PTBP3: variants seen among roughly 807,000 people sequenced by gnomAD.
PTBP3 encodes the protein polypyrimidine tract binding protein 3, also known as polypyrimidine tract-binding protein 3.
In PTBP3, 20 loss-of-function variants were observed where a neutral mutation model predicts 58.7. That is an observed-to-expected ratio of 0.34 (90% CI 0.24 to 0.50). The LOEUF (loss-of-function observed/expected upper bound fraction) is 0.50. Ranked by LOEUF, PTBP3 falls within the 20% of genes least tolerant of loss-of-function variation. The pLI, the probability that PTBP3 is intolerant of heterozygous loss-of-function variation, is 0.98. For synonymous variants in PTBP3, 185 were observed against 219.8 expected, an observed-to-expected ratio of 0.84 and a Z score of 1.40; for missense variants, 509 against 637.2, an observed-to-expected ratio of 0.80 and a Z score of 2.17.
the PTBP3 span, among the ~76,000 whole-genome samples, chr9:112,345,055 C>A: frequency 3.2e-4 from 49 of 152,152 alleles, no homozygotes; most frequent in African/African-American, 1.1e-3. Flanking sequence ...ATTGCTTAAA[C>A]TGGGAAGGCG....
rs1173620644 is a variant in PTBP3 at position 112,243,113 on chromosome 9, A to G, written c.802+7816T>C. Among the ~76,000 whole-genome samples, 3 of 145,650 alleles carry G rather than the reference A, an allele frequency of 2.1e-5. No homozygotes were observed. The Admixed American group carries it at 2.1e-4, about 10-fold the overall frequency. On this transcript the variant is annotated intron_variant, in intron 7 of 13. Coordinates refer to ENST00000374257, the MANE Select transcript of PTBP3 (RefSeq NM_001163788.4). ...AAACTGGCTTGATTACTGCAGCTCT[A>G]TATTAAGTCTTACAGCTTAAAAAAA...
At chr9:112,233,758 C>T (rs1014569813) in intron 8 of PTBP3, among the ~76,000 whole-genome samples, 1 of 152,062 alleles carries the variant, frequency 6.6e-6, no homozygotes, top group African/African-American at 2.4e-5. Flanking sequence ...TGGCGAAACC[C>T]CACCTCTACT....
the PTBP3 span, among the ~76,000 whole-genome samples, chr9:112,372,001 C>T: frequency 6.6e-6 from 1 of 152,148 alleles, no homozygotes; most frequent in Non-Finnish European, 1.5e-5. Context: ...CAAAGCACAA[C>T]TGTAAAAAGG....
chr9:112,219,704 T>C lies in PTBP3; in HGVS notation c.*4147A>G, dbSNP rs1018499803. The C allele has an allele frequency of 9.8e-5, 15 of 152,796 alleles. No individual in the cohort carries two copies. The highest frequency in any genetic ancestry group is 3.6e-4 in the African/African-American group (15 of 41,444). The allele number at this position is 152,796 out of a possible 1,614,324, so 9.5% of individuals were successfully genotyped here. ...CATTCTTTTAAAACTATATAGTACA[T>C]ATTTCCTGAAAACCAGAATACTGAT... On this transcript the variant is annotated 3_prime_UTR_variant, in exon 14 of 14. Transcript: ENST00000374257.
At chr9:112,312,493 T>G (rs1587875435) in intron 1 of PTBP3, among the ~76,000 whole-genome samples, 1 of 146,760 alleles carries the variant, frequency 6.8e-6, no homozygotes, top group African/African-American at 2.5e-5. Context: ...TTTTTGTTTT[T>G]TTTTTTTAAA....
intron 3 of PTBP3, chr9:112,272,918 C>T (rs1170678560): frequency 6.6e-6 from 1 of 152,152 alleles, no homozygotes; most frequent in African/African-American, 2.4e-5. Flanking sequence ...GCATTTGTTA[C>T]CAACAAAATT....
chr9:112,300,888 G>C (rs1268239813), intron 1 of PTBP3, among the ~76,000 whole-genome samples: 1 of 152,102 alleles, frequency 6.6e-6, no homozygotes, highest in Non-Finnish European at 1.5e-5. Context: ...TTGAGGTCAA[G>C]AGTTCAAGAC....
the PTBP3 span, among the ~76,000 whole-genome samples, chr9:112,350,284 G>A: frequency 4.0e-5 from 6 of 151,868 alleles, no homozygotes; most frequent in Non-Finnish European, 5.9e-5. Context: ...TACACTGCTC[G>A]GATAATGGGT....
chr9:112,327,806 A>AG (rs386415913), intron 1 of PTBP3, among the ~76,000 whole-genome samples: 1 of 151,902 alleles, frequency 6.6e-6, no homozygotes, highest in Non-Finnish European at 1.5e-5. Context: ...GAGGAAAAAA[A>AG]AAAAAACACT....
Position 112,297,855 on chromosome 9 carries a change from G to C in PTBP3, c.11C>G (p.Ser4Cys). The change falls in exon 2 of 14, where the codon TCT (serine) becomes TGT (cysteine). Residue 4 changes from serine (S) to cysteine (C), a missense_variant. Transcript: ENST00000374257. MNSSTPSTGVYANG... is the reference protein window; with the variant it reads MNSCTPSTGVYANG... ...ACCATACACACCTGTAGAAGGAGTA[G>C]AACTATTCATGGTAAAAGGTCCGTT... 3 of 1,605,638 alleles carry C rather than the reference G, an allele frequency of 1.9e-6. No homozygotes were observed. The highest frequency in any genetic ancestry group is 2.6e-6 in the Non-Finnish European group (3 of 1,176,198).
chr9:112,364,003 C>T, the PTBP3 span, among the ~76,000 whole-genome samples: 1 of 152,066 alleles, frequency 6.6e-6, no homozygotes, highest in Non-Finnish European at 1.5e-5. Flanking sequence ...TGATCCCTCC[C>T]TCCTCACTAA....
downstream of PTBP3, chr9:112,217,933 T>C (rs572168792): frequency 1.3e-5 from 2 of 152,374 alleles, no homozygotes; most frequent in African/African-American, 2.4e-5. Flanking sequence ...GGAAAAGGAA[T>C]GTAGCATCAG....
At chr9:112,314,221 A>C (rs1829610190) in intron 1 of PTBP3, among the ~76,000 whole-genome samples, 1 of 152,234 alleles carries the variant, frequency 6.6e-6, no homozygotes, top group Non-Finnish European at 1.5e-5. Flanking sequence ...CCACACAAAT[A>C]CCAATCATAA....
intron 1 of PTBP3, among the ~76,000 whole-genome samples, chr9:112,332,478 T>C (rs1283670735): frequency 6.6e-6 from 1 of 152,194 alleles, no homozygotes; most frequent in Non-Finnish European, 1.5e-5. Flanking sequence ...ACAGAAATCT[T>C]GTCATCAAAA....
At chr9:112,304,729 C>T (rs967362232) in intron 1 of PTBP3, among the ~76,000 whole-genome samples, 2 of 152,126 alleles carry the variant, frequency 1.3e-5, no homozygotes, top group African/African-American at 4.8e-5. Flanking sequence ...CTTTGCCTGG[C>T]TGATTTTTTA....
intron 5 of PTBP3, among the ~76,000 whole-genome samples, chr9:112,260,698 G>A (rs922766591): frequency 6.6e-6 from 1 of 152,182 alleles, no homozygotes; most frequent in African/African-American, 2.4e-5. Flanking sequence ...AACCAGAAGA[G>A]TGTTAGGTAA....
intron 10 of PTBP3, among the ~76,000 whole-genome samples, chr9:112,230,109 T>C (rs1835144396): frequency 6.6e-6 from 1 of 152,120 alleles, no homozygotes; most frequent in Admixed American, 6.6e-5. Flanking sequence ...TCTTGAGTTG[T>C]AAACCCAAAG....
Position 112,220,729 on chromosome 9 carries a change from C to A in PTBP3, c.*3122G>T. The stretch of plus-strand genomic sequence containing the variant: ...ACACAAAACACATTTTACTGCTATG[C>A]AAATTATTCAAATCTCAAAGTAAAT... On this transcript the variant is annotated 3_prime_UTR_variant, in exon 14 of 14. Coordinates refer to ENST00000374257, the MANE Select transcript of PTBP3 (RefSeq NM_001163788.4). 1.0e-6 allele frequency: 1 copy of A among 983,260 alleles called. No homozygotes were observed. Among genetic ancestry groups the A allele is most frequent in the Non-Finnish European group, 1.2e-6 (1 of 827,860 alleles). 60.9% of individuals were successfully genotyped at this position (983,260 alleles called of 1,614,324 possible).
chr9:112,276,007 C>G lies in PTBP3; in HGVS notation c.41G>C (p.Gly14Ala). ...STPSTGVYAN[G>A]NDSKKFKRDR... is the part of the protein sequence containing the mutation. ...TCGTTTAAATTTCTTGCTGTCATTCCCATTAGCTAAAAAACATAAGATTCT... is the reference window on the plus strand; with the variant it reads ...TCGTTTAAATTTCTTGCTGTCATTCGCATTAGCTAAAAAACATAAGATTCT... The change falls in exon 3 of 14, where the codon GGG becomes GCG. Residue 14 changes from glycine (G) to alanine (A), a missense_variant. Transcript: ENST00000374257. 1 of 1,610,886 alleles carries G rather than the reference C, an allele frequency of 6.2e-7. No individual in the cohort carries two copies. The highest frequency in any genetic ancestry group is 8.5e-7 in the Non-Finnish European group (1 of 1,177,900).
Sources: gnomAD v4.1 joint callset for allele counts (sites outside exome capture counted in the v4.1 genomes callset) on GRCh38, gnomAD v4.1.1 for gene constraint, MANE v1.5 for transcripts, NCBI Gene and HGNC (gene_info 2026-07-23, HGNC 2026-07-21) for gene names.